Variants in SEC16A observed in about 807,000 individuals in gnomAD.
SEC16A encodes the protein SEC16 homolog A, endoplasmic reticulum export factor.
Under a neutral mutation model 221.9 loss-of-function variants are expected in SEC16A, and 110 were observed. The ratio of observed to expected loss-of-function variants is 0.50; its 90% CI spans 0.42 to 0.58. SEC16A has a LOEUF of 0.58. SEC16A is among the 20% of genes least tolerant of loss of function. SEC16A has a pLI of 0.00. For synonymous variants in SEC16A, 1,393 were observed against 1,257.7 expected (o/e 1.11, Z -2.28); for missense variants, 3,165 against 3,097.8 (o/e 1.02, Z -0.52).
At position 136,440,143 on chromosome 9, in the gene SEC16A, T is replaced by G. The variant is rs1191641364; in HGVS notation, c.*1612A>C. The G allele has an allele frequency of 1.3e-5, 2 of 152,328 alleles. No individual in the cohort carries two copies. Among genetic ancestry groups the G allele is most frequent in the Admixed American group, 1.3e-4 (2 of 15,294 alleles). The allele number at this position is 152,328 out of a possible 1,614,324, so 9.4% of individuals were successfully genotyped here. A position where few individuals can be genotyped will look rare whatever the true frequency, so the allele number is the denominator to read the frequency against. On this transcript the variant is annotated 3_prime_UTR_variant, in exon 32 of 32. Transcript: ENST00000684901. ...AAATATTTTATTCAACAATTTGCAA[T>G]GTAACAATTCTCATTTAGGAAAAAT...
rs770011005 is a variant in SEC16A at position 136,476,254 on chromosome 9, C to A, written c.1362G>T (p.Ser454=). ...CTAAGTTCTCAACATTCTCATACTGCGAGCCGCTGGCATCCGGCACCCCTG... is the reference window on the plus strand; with the variant it reads ...CTAAGTTCTCAACATTCTCATACTGAGAGCCGCTGGCATCCGGCACCCCTG... The part of the protein sequence containing the change: ...ASTGVPDASG[S]QYENVENLEF... Residue 454 remains serine (S), a synonymous_variant, in exon 3 of 32, where the codon TCG becomes TCT. Coordinates refer to ENST00000684901, the MANE Select transcript of SEC16A (RefSeq NM_014866.2). 1.2e-6 allele frequency: 2 copies of A among 1,613,324 alleles called. No homozygotes were observed. Among genetic ancestry groups the A allele is most frequent in the Non-Finnish European group, 1.7e-6 (2 of 1,179,884 alleles).
chr9:136,445,560 C>T (rs752804482), intron 29 of SEC16A, 85 bp downstream of exon 29: 1 of 1,005,894 alleles, frequency 9.9e-7, no homozygotes, highest in Non-Finnish European at 1.5e-6. Flanking sequence ...CCCAGTACCG[C>T]CCCTCCATAA....
chr9:136,457,473 A>C lies in SEC16A; in HGVS notation c.5521T>G (p.Ser1841Ala). 6.2e-7 allele frequency: 1 copy of C among 1,607,662 alleles called. No homozygotes were observed. Reference sequence around the variant, plus strand: ...ACAAGCTGGCTGATCAACACCGGGGAATACAGGTGCGGCTGCGTCAGGATG... The same window carrying C: ...ACAAGCTGGCTGATCAACACCGGGGCATACAGGTGCGGCTGCGTCAGGATG... ...KSILTQPHLY[S>A]PVLISQLVQM... The change falls in exon 18 of 32, where the codon TCC (serine) becomes GCC (alanine). Residue 1841 changes from serine to alanine, a missense_variant. Around this residue, in one of 3 missense-constraint regions of SEC16A, gnomAD observed 1,088 missense variants for 1,089.6 expected, o/e 1.00. Transcript: ENST00000684901.
intron 11 of SEC16A, 113 bp downstream of exon 11, chr9:136,463,350 G>C (rs1401621928): frequency 7.1e-7 from 1 of 1,400,562 alleles, no homozygotes; most frequent in African/African-American, 1.4e-5. Flanking sequence ...GGCCCTCGAG[G>C]CTCCCATAGC....
intron 2 of SEC16A, among the ~76,000 whole-genome samples, chr9:136,478,259 C>G (rs1841903913): frequency 6.6e-6 from 1 of 152,060 alleles, no homozygotes; most frequent in Admixed American, 6.6e-5. Flanking sequence ...AAAAATCAGC[C>G]AGGCATGGTG....
upstream of SEC16A, chr9:136,484,569 G>A (rs773895921): frequency 2.3e-6 from 3 of 1,328,710 alleles, no homozygotes; most frequent in Non-Finnish European, 3.0e-6. Flanking sequence ...ATGGCATCGC[G>A]GGAGGCTGAG....
At chr9:136,465,365 C>T (rs73566971) in intron 8 of SEC16A, among the ~76,000 whole-genome samples, 7,585 of 151,712 alleles carry the variant, frequency 0.05, 531 homozygotes, top group African/African-American at 0.15. Context: ...GCAGGAGAAT[C>T]GTTTGAACCC....
Position 136,459,029 on chromosome 9 carries a change from A to G in SEC16A, c.5409+105T>C, listed in dbSNP as rs1839108802. On this transcript the variant is annotated intron_variant, in intron 17 of 31. Transcript: ENST00000684901. The surrounding 1 kb of genome is among the most constrained non-coding windows in gnomAD (Gnocchi z 6.1). ...CAAGATCCTCCCCCAAAAAACTCAC[A>G]TCATTTTTTTCGATACCAATTCAAA... 4.2e-6 allele frequency: 3 copies of G among 711,384 alleles called. No homozygotes were observed. In the East Asian group the frequency reaches 8.5e-5, roughly 20 times the overall value. The allele number at this position is 711,384 out of a possible 1,614,324, so 44.1% of individuals were successfully genotyped here.
At chr9:136,483,062 C>A, upstream of SEC16A, 1 of 978,640 alleles carries the variant, frequency 1.0e-6, no homozygotes, top group East Asian at 1.1e-4. Flanking sequence ...CCGCGGCCGC[C>A]GCGCCGCCGA....
chr9:136,451,426 A>G lies in SEC16A; in HGVS notation c.6160-18T>C. On this transcript the variant is annotated intron_variant, in intron 22 of 31. Coordinates refer to ENST00000684901, the MANE Select transcript of SEC16A (RefSeq NM_014866.2). ...GAGGGGGTCTGTCGCAAGGAAATGC[A>G]GAACAGGCTCTCCTGGGGCTCCTCA... is the stretch of plus-strand genomic sequence containing the variant. 1.3e-6 allele frequency: 2 copies of G among 1,577,082 alleles called. No homozygotes were observed. Among genetic ancestry groups the G allele is most frequent in the South Asian group, 1.2e-5 (1 of 84,678 alleles).
chr9:136,454,265 G>A lies in SEC16A; in HGVS notation c.5920C>T (p.Pro1974Ser). 3 of 1,583,170 alleles carry A rather than the reference G, an allele frequency of 1.9e-6. No individual in the cohort carries two copies. The highest frequency in any genetic ancestry group is 2.6e-6 in the Non-Finnish European group (3 of 1,165,182). Residue 1974 changes from proline to serine, a missense_variant, in exon 21 of 32, where the codon CCA (proline) becomes TCA (serine). By Grantham distance (74) the Pro-to-Ser change is moderately conservative. Around this residue, in one of 3 missense-constraint regions of SEC16A, gnomAD observed 1,088 missense variants for 1,089.6 expected, o/e 1.00. Coordinates refer to ENST00000684901, the MANE Select transcript of SEC16A (RefSeq NM_014866.2). ...GGCTCCAGGGGCCCCGGGGGCAGTGGCACTGGGAACATCGGCACTCTGGCA... is the reference window on the plus strand; with the variant it reads ...GGCTCCAGGGGCCCCGGGGGCAGTGACACTGGGAACATCGGCACTCTGGCA... ...SPARVPMFPV[P>S]LPPGPLEPGP...
At chr9:136,458,627 C>CAA (rs1392292293) in intron 17 of SEC16A, among the ~76,000 whole-genome samples, 1 of 101,966 alleles carries the variant, frequency 9.8e-6, no homozygotes, top group African/African-American at 3.6e-5. Context: ...GACTCGGTCT[C>CAA]AAAAAAAAAA....
rs773446232 is a variant in SEC16A at position 136,476,821 on chromosome 9, G to C, written c.795C>G (p.His265Gln). The change falls in exon 3 of 32, where the codon CAC (histidine) becomes CAG (glutamine). Residue 265 changes from histidine (H) to glutamine (Q), a missense_variant. Physicochemically the swap from His to Gln is conservative, Grantham distance 24. This residue lies in a region of SEC16A where 2,030 missense variants were observed against 1,923.1 expected (regional missense o/e 1.06). Transcript: ENST00000684901. ...CTGCTGGGGGAGCCACCAGAGGGCTGTGTTGCTCATGACCAGGGCCCTGAT... is the reference window on the plus strand; with the variant it reads ...CTGCTGGGGGAGCCACCAGAGGGCTCTGTTGCTCATGACCAGGGCCCTGAT... The part of the protein sequence containing the change: ...ILHQGPGHEQ[H>Q]SPLVAPPAAL... The C allele has an allele frequency of 1.2e-5, 19 of 1,612,240 alleles. No individual in the cohort carries two copies. The Admixed American group carries it at 3.0e-4, about 25-fold the overall frequency.
In SEC16A at chr9:136,449,258, G is replaced by A. The variant is rs556753182; in HGVS notation, c.6313-1097C>T. 5.3e-5 allele frequency among the ~76,000 whole-genome samples: 8 copies of A among 151,972 alleles called. No homozygotes were observed. The East Asian group carries it at 1.5e-3, about 29-fold the overall frequency. ...CACATGATGCACTTCATTTTGGTTT[G>A]TTAGTTTTCTGAGACAGAGTCTCGC... On this transcript the variant is annotated intron_variant, in intron 23 of 31. Coordinates refer to ENST00000684901, the MANE Select transcript of SEC16A (RefSeq NM_014866.2).
intron 1 of SEC16A, among the ~76,000 whole-genome samples, chr9:136,480,301 G>A (rs1221181536): frequency 6.6e-6 from 1 of 152,120 alleles, no homozygotes; most frequent in Non-Finnish European, 1.5e-5. Context: ...CAGAACTGGG[G>A]TCCTACCTCA....
chr9:136,443,262 G>T (rs973178597), intron 31 of SEC16A, among the ~76,000 whole-genome samples: 9 of 151,860 alleles, frequency 5.9e-5, no homozygotes, highest in African/African-American at 2.2e-4. Flanking sequence ...GGCGGGCCTG[G>T]TGTCCACGCA....
intron 12 of SEC16A, 60 bp downstream of exon 12, chr9:136,462,827 G>A (rs10870067): frequency 0.14 from 220,952 of 1,564,140 alleles, 17,393 homozygotes; most frequent in Admixed American, 0.3. Flanking sequence ...CTGCAACCCC[G>A]CACCAGGCCC....
rs867374832 is a variant in SEC16A at position 136,454,242 on chromosome 9, C to A, written c.5943G>T (p.Glu1981Asp). ...FPVPLPPGPL[E>D]PGPGCVTPGP... ...CTGGGGTCACACAGCCAGGACCCGGCTCCAGGGGCCCCGGGGGCAGTGGCA... is the reference window on the plus strand; with the variant it reads ...CTGGGGTCACACAGCCAGGACCCGGATCCAGGGGCCCCGGGGGCAGTGGCA... The change falls in exon 21 of 32, where the codon GAG becomes GAT. Residue 1981 changes from glutamate (E) to aspartate (D), a missense_variant. Around this residue, in one of 3 missense-constraint regions of SEC16A, gnomAD observed 1,088 missense variants for 1,089.6 expected, o/e 1.00. Coordinates refer to ENST00000684901, the MANE Select transcript of SEC16A (RefSeq NM_014866.2). The A allele has an allele frequency of 6.3e-7, 1 of 1,575,792 alleles. No individual in the cohort carries two copies. Among genetic ancestry groups the A allele is most frequent in the Admixed American group, 1.9e-5 (1 of 53,686 alleles).
intron 2 of SEC16A, 143 bp from the exon 3 acceptor site, chr9:136,477,827 A>C: frequency 1.3e-6 from 1 of 782,888 alleles, no homozygotes; most frequent in Non-Finnish European, 1.9e-6. Context: ...CCTACACCCC[A>C]CCCCAGCAGA....
Sources: gnomAD v4.1 joint callset for allele counts (sites outside exome capture counted in the v4.1 genomes callset) on GRCh38, gnomAD v4.1.1 for gene constraint, gnomAD v4.1.1 regional missense constraint, Gnocchi (gnomAD v3.1) non-coding constraint, MANE v1.5 for transcripts, NCBI Gene and HGNC (gene_info 2026-07-23, HGNC 2026-07-21) for gene names.